CDH13: variants seen among roughly 807,000 people sequenced by gnomAD.
CDH13 encodes the protein cadherin 13, also known as cadherin-13.
In CDH13, 24 loss-of-function variants were observed where a neutral mutation model predicts 63.8. The observed-to-expected ratio is 0.38, with a 90% CI of 0.27 to 0.53. The LOEUF is 0.53. Ranked by LOEUF, CDH13 falls within the 20% of genes least tolerant of loss-of-function variation. The pLI, the probability that CDH13 is intolerant of heterozygous loss-of-function variation, is 0.85. For missense variants in CDH13, 1,049 were observed against 903.1 expected (o/e 1.16, Z -2.07); for synonymous variants, 503 against 355.3 (o/e 1.42, Z -4.67).
chr16:83,375,971 GA>G (rs536093683), intron 6 of CDH13, among the ~76,000 whole-genome samples: 33 of 151,906 alleles, frequency 2.2e-4, no homozygotes, highest in Admixed American at 5.2e-4. Flanking sequence ...TTTAAGCAGG[GA>G]AAAAAAATTG....
intron 1 of CDH13, among the ~76,000 whole-genome samples, chr16:82,807,533 A>G (rs1162379763): frequency 6.6e-6 from 1 of 150,684 alleles, no homozygotes; most frequent in Non-Finnish European, 1.5e-5. Context: ...AAGAAATAAG[A>G]GCAAAACCAT....
intron 1 of CDH13, among the ~76,000 whole-genome samples, chr16:82,782,093 A>C (rs1486261713): frequency 6.6e-6 from 1 of 152,184 alleles, no homozygotes; most frequent in Non-Finnish European, 1.5e-5. Flanking sequence ...TAAAGTGCCC[A>C]TTTGTTGTTT....
At chr16:83,051,477 T>A (rs2030331675) in intron 3 of CDH13, among the ~76,000 whole-genome samples, 1 of 152,244 alleles carries the variant, frequency 6.6e-6, no homozygotes, top group Non-Finnish European at 1.5e-5. Flanking sequence ...AACCTGGTAC[T>A]AGGAATTTCT....
intron 7 of CDH13, among the ~76,000 whole-genome samples, chr16:83,532,063 C>G (rs1305987151): frequency 6.6e-6 from 1 of 152,114 alleles, no homozygotes; most frequent in Non-Finnish European, 1.5e-5. Context: ...CTCATGAGAT[C>G]TGATGGTTTT....
At chr16:83,149,795 A>AAACT (rs1199988690) in intron 4 of CDH13, among the ~76,000 whole-genome samples, 1 of 152,202 alleles carries the variant, frequency 6.6e-6, no homozygotes, top group African/African-American at 2.4e-5. Context: ...TATCTCTTCC[A>AAACT]AACTCTGTAT....
At chr16:83,520,440 A>C (rs2074803658) in intron 7 of CDH13, among the ~76,000 whole-genome samples, 1 of 152,178 alleles carries the variant, frequency 6.6e-6, no homozygotes, top group Admixed American at 6.5e-5. Flanking sequence ...TATTAGTTAC[A>C]TGGATATATA....
At chr16:83,461,471 C>A (rs1014670567) in intron 6 of CDH13, among the ~76,000 whole-genome samples, 1 of 152,148 alleles carries the variant, frequency 6.6e-6, no homozygotes, top group African/African-American at 2.4e-5. Context: ...AAGATGAAAT[C>A]TTCCCCTTGA....
chr16:83,536,275 A>T (rs949149158), intron 7 of CDH13, among the ~76,000 whole-genome samples: 5 of 152,214 alleles, frequency 3.3e-5, no homozygotes, highest in African/African-American at 1.2e-4. Flanking sequence ...AAATAAGCAT[A>T]GTAAGAAAGA....
At position 82,867,898 on chromosome 16, in the gene CDH13, G is replaced by C. The variant is rs111399637; in HGVS notation, c.157+9425G>C. On this transcript the variant is annotated intron_variant, in intron 2 of 13. Transcript: ENST00000567109. The stretch of plus-strand genomic sequence containing the variant: ...TTCAAGCTGACTTAGGCTTTTATCT[G>C]TCTACATTCTCTATCTTGAGAACTT... Among the ~76,000 whole-genome samples, 347 of 152,226 alleles carry C rather than the reference G, an allele frequency of 2.3e-3. 2 individuals carry two copies. The highest frequency in any genetic ancestry group is 4.4e-3 in the Non-Finnish European group (296 of 68,012).
chr16:83,374,174 C>G (rs1363340043), intron 6 of CDH13, among the ~76,000 whole-genome samples: 1 of 152,192 alleles, frequency 6.6e-6, no homozygotes, highest in South Asian at 2.1e-4. Flanking sequence ...GGAGCAAAGT[C>G]TTAGTCCAAC....
chr16:82,869,803 A>G (rs758460091), intron 2 of CDH13, among the ~76,000 whole-genome samples: 2 of 152,186 alleles, frequency 1.3e-5, no homozygotes, highest in Middle Eastern at 3.2e-3. Flanking sequence ...ATAGAGCCCT[A>G]TCTCTTGCCA....
At chr16:83,719,067 C>A (rs986655453) in intron 10 of CDH13, among the ~76,000 whole-genome samples, 1 of 152,184 alleles carries the variant, frequency 6.6e-6, no homozygotes, top group Non-Finnish European at 1.5e-5. Context: ...AGGGCACCCT[C>A]AATGCCTCTT....
intron 4 of CDH13, among the ~76,000 whole-genome samples, chr16:83,209,081 TG>T (rs1374600855): frequency 1.3e-5 from 2 of 152,164 alleles, no homozygotes; most frequent in African/African-American, 4.8e-5. Flanking sequence ...AGAGGAGACC[TG>T]GAGCCAGCGA....
chr16:83,618,762 A>T (rs1354070645), intron 8 of CDH13, among the ~76,000 whole-genome samples: 1 of 152,024 alleles, frequency 6.6e-6, no homozygotes, highest in Non-Finnish European at 1.5e-5. Context: ...AATCAAGAAA[A>T]CTCAATGTTA....
intron 7 of CDH13, among the ~76,000 whole-genome samples, chr16:83,561,409 A>G (rs1368691552): frequency 1.4e-5 from 2 of 138,954 alleles, no homozygotes; most frequent in Admixed American, 7.6e-5. Flanking sequence ...CTGAGCAACA[A>G]GAGGGAAACA....
chr16:83,359,450 A>T (rs2091120196), intron 6 of CDH13, among the ~76,000 whole-genome samples: 1 of 152,152 alleles, frequency 6.6e-6, no homozygotes, highest in South Asian at 2.1e-4. Context: ...CTAGTTCAGG[A>T]GGGTCTTAGT....
Position 82,644,205 on chromosome 16 carries a change from G to A in CDH13, c.45+17068G>A, listed in dbSNP as rs1232711571. 2.6e-5 allele frequency among the ~76,000 whole-genome samples: 4 copies of A among 152,174 alleles called. No homozygotes were observed. Among genetic ancestry groups the A allele is most frequent in the Non-Finnish European group, 4.4e-5 (3 of 68,032 alleles). On this transcript the variant is annotated intron_variant, in intron 1 of 13. Coordinates refer to ENST00000567109, the MANE Select transcript of CDH13 (RefSeq NM_001257.5). The surrounding 1 kb of genome is among the most constrained non-coding windows in gnomAD (Gnocchi z 5.7). The stretch of plus-strand genomic sequence containing the variant: ...TGTTTGGCACCCTTTGGCTGGTGCG[G>A]CTGAAGAATTCAATAGCCTAGTAAT...
chr16:83,713,977 G>A (rs757619958), intron 10 of CDH13, among the ~76,000 whole-genome samples: 13 of 152,202 alleles, frequency 8.5e-5, no homozygotes, highest in Non-Finnish European at 1.6e-4. Flanking sequence ...TGCCTGTCCA[G>A]TATTCTCCAA....
chr16:83,067,217 C>G (rs972833724), intron 3 of CDH13, among the ~76,000 whole-genome samples: 3 of 152,146 alleles, frequency 2.0e-5, no homozygotes, highest in African/African-American at 7.2e-5. Context: ...CAGCAGAAGG[C>G]AACTGACTGT....
Sources: allele counts gnomAD v4.1 joint callset (sites outside exome capture counted in the v4.1 genomes callset), GRCh38; gene constraint gnomAD v4.1.1; non-coding constraint Gnocchi (gnomAD v3.1); transcripts MANE v1.5; gene names NCBI Gene and HGNC (gene_info 2026-07-23, HGNC 2026-07-21).